Variants in PCDHA11 observed in about 807,000 individuals in gnomAD.
The protein encoded by PCDHA11 is protocadherin alpha 11, also known as protocadherin alpha-11.
PCDHA11 carries 61 observed loss-of-function variants against 70.3 expected under a neutral mutation model. That is an observed-to-expected ratio of 0.87 (90% CI 0.71 to 1.07). PCDHA11 has a LOEUF of 1.07. Among genes scored for constraint, PCDHA11 ranks in the 50% least tolerant of loss-of-function variants. The pLI is 0.00. For missense variants in PCDHA11, 1,324 were observed against 1,237.5 expected (o/e 1.07, Z -1.05); for synonymous variants, 633 against 555.1 (o/e 1.14, Z -1.97).
intron 1 of PCDHA11, among the ~76,000 whole-genome samples, chr5:140,887,345 C>A (rs1286436995): frequency 6.6e-6 from 1 of 152,140 alleles, no homozygotes; most frequent in Non-Finnish European, 1.5e-5. Context: ...ATCCACCTGG[C>A]TCGGCCTCCC....
chr5:140,909,234 A>G (rs782659410), intron 1 of PCDHA11, among the ~76,000 whole-genome samples: 12 of 152,220 alleles, frequency 7.9e-5, no homozygotes, highest in Non-Finnish European at 1.3e-4. Context: ...GTAGGATGGT[A>G]AAGATATATT....
At chr5:140,900,049 A>T (rs2067710838) in intron 1 of PCDHA11, among the ~76,000 whole-genome samples, 1 of 152,044 alleles carries the variant, frequency 6.6e-6, no homozygotes, top group Non-Finnish European at 1.5e-5. Flanking sequence ...GGCTCAAGTG[A>T]TCCTTTAACC....
chr5:141,008,375 C>T (rs77600037), intron 3 of PCDHA11, among the ~76,000 whole-genome samples: 2,306 of 152,234 alleles, frequency 0.015, 24 homozygotes, highest in Middle Eastern at 0.031. Flanking sequence ...GTGTTAGATA[C>T]ATAAACATTG....
chr5:140,954,777 T>C (rs1563274185), intron 1 of PCDHA11, among the ~76,000 whole-genome samples: 1 of 152,214 alleles, frequency 6.6e-6, no homozygotes, highest in African/African-American at 2.4e-5. Flanking sequence ...TTAATTTAAT[T>C]AGATCTCATT....
At chr5:140,882,768 C>CA in intron 1 of PCDHA11, 1 of 1,614,222 alleles carries the variant, frequency 6.2e-7, no homozygotes, top group Non-Finnish European at 8.5e-7. Flanking sequence ...GTAAACTCGG[C>CA]ATTGACCTAC....
intron 1 of PCDHA11, chr5:140,881,502 A>G: frequency 1.2e-5 from 3 of 249,864 alleles, no homozygotes; most frequent in Non-Finnish European, 1.9e-5. Context: ...ACATACACAC[A>G]CTCACATACA....
At chr5:140,996,836 C>T (rs1247616398) in intron 3 of PCDHA11, among the ~76,000 whole-genome samples, 43 of 152,096 alleles carry the variant, frequency 2.8e-4, no homozygotes, top group African/African-American at 1.0e-3. Flanking sequence ...AATAATTTAG[C>T]GTGCATCTTC....
intron 1 of PCDHA11, among the ~76,000 whole-genome samples, chr5:140,925,482 A>G (rs1238702660): frequency 2.0e-5 from 3 of 152,088 alleles, no homozygotes; most frequent in Admixed American, 6.6e-5. Flanking sequence ...TTCTCATAGA[A>G]CTGATCACTG....
chr5:140,920,485 A>G (rs1366888817), intron 1 of PCDHA11, among the ~76,000 whole-genome samples: 3 of 152,164 alleles, frequency 2.0e-5, no homozygotes, highest in Admixed American at 6.5e-5. Context: ...TTTTTGGTCC[A>G]ACAATAGAGT....
In PCDHA11 at chr5:140,949,770, T is replaced by C. The variant is rs955982016; in HGVS notation, c.2392-29179T>C. On this transcript the variant is annotated intron_variant, in intron 1 of 3. Coordinates refer to ENST00000398640, the MANE Select transcript of PCDHA11 (RefSeq NM_018902.5). ...TTAGCCCATTCACATTAGTGTAATA[T>C]TTGATATGTTTAGATTTGTGTCCTT... Among the ~76,000 whole-genome samples, 3 of 152,026 alleles carry C rather than the reference T, an allele frequency of 2.0e-5. 1 individual carries two copies. The highest frequency in any genetic ancestry group is 6.8e-3 in the Middle Eastern group (2 of 294).
chr5:141,006,376 TAA>T (rs2098270900), intron 3 of PCDHA11, among the ~76,000 whole-genome samples: 1 of 151,996 alleles, frequency 6.6e-6, no homozygotes, highest in South Asian at 2.1e-4. Flanking sequence ...CACGCCCGGC[TAA>T]GTTTTTTCTA....
intron 1 of PCDHA11, chr5:140,967,421 C>T (rs2096138629): frequency 6.2e-7 from 1 of 1,613,120 alleles, no homozygotes; most frequent in Non-Finnish European, 8.5e-7. Context: ...AGACCGGGAG[C>T]AGGCAGCCTT....
In PCDHA11 at chr5:140,985,961, A is replaced by G. The variant is rs529433053; in HGVS notation, c.2539+3398A>G. ...TCACTGTGTTAGCCAGGATGGTCTCAATCTCCTGACCTCGTGATCCGCCCA... is the reference window on the plus strand; with the variant it reads ...TCACTGTGTTAGCCAGGATGGTCTCGATCTCCTGACCTCGTGATCCGCCCA... On this transcript the variant is annotated intron_variant, in intron 3 of 3. Transcript: ENST00000398640. 9.3e-3 allele frequency among the ~76,000 whole-genome samples: 1,411 copies of G among 151,982 alleles called. 12 individuals carry two copies. Among genetic ancestry groups the G allele is most frequent in the Non-Finnish European group, 0.015 (1,024 of 67,944 alleles).
chr5:140,929,651 A>G (rs2086278415), intron 1 of PCDHA11: 2 of 358,222 alleles, frequency 5.6e-6, no homozygotes, highest in East Asian at 8.9e-5. Context: ...AAGGCACTCT[A>G]ATATTTAAAG....
intron 1 of PCDHA11, among the ~76,000 whole-genome samples, chr5:140,960,851 T>C (rs782540669): frequency 5.3e-5 from 8 of 152,210 alleles, no homozygotes; most frequent in Non-Finnish European, 7.3e-5. Context: ...TAATGGCAAC[T>C]ATAAGCCAGA....
At chr5:141,002,759 G>A (rs1312107218) in intron 3 of PCDHA11, among the ~76,000 whole-genome samples, 1 of 152,214 alleles carries the variant, frequency 6.6e-6, no homozygotes, top group Non-Finnish European at 1.5e-5. Flanking sequence ...ACCCTGTGAT[G>A]TAGACAGGAA....
intron 3 of PCDHA11, among the ~76,000 whole-genome samples, chr5:141,003,515 G>C (rs1402480495): frequency 1.3e-5 from 2 of 152,114 alleles, no homozygotes; most frequent in Admixed American, 6.5e-5. Flanking sequence ...GTTTCACCAT[G>C]TTCCCTAGGC....
At chr5:140,969,112 A>G (rs781784282) in intron 1 of PCDHA11, 4 of 1,614,022 alleles carry the variant, frequency 2.5e-6, no homozygotes, top group Admixed American at 3.3e-5. Context: ...TTGAAGTTCG[A>G]GGGAATGGCT....
At chr5:140,920,548 C>T (rs1222470517) in intron 1 of PCDHA11, among the ~76,000 whole-genome samples, 5 of 152,186 alleles carry the variant, frequency 3.3e-5, no homozygotes, top group Admixed American at 6.5e-5. Context: ...ATTTCACCTT[C>T]GAAGTGTGGC....
Sources: gnomAD v4.1 joint callset for allele counts (sites outside exome capture counted in the v4.1 genomes callset) on GRCh38, gnomAD v4.1.1 for gene constraint, MANE v1.5 for transcripts, NCBI Gene and HGNC (gene_info 2026-07-23, HGNC 2026-07-21) for gene names.